Variants in HAGH observed in about 807,000 individuals in gnomAD.
HAGH encodes hydroxyacylglutathione hydrolase.
A neutral mutation model predicts 35.1 loss-of-function variants in HAGH; 29 were observed. That is an observed-to-expected ratio of 0.83 (90% confidence interval 0.62 to 1.13). HAGH has a LOEUF of 1.13. HAGH is among the 50% of genes most tolerant of loss of function. HAGH has a pLI of 0.00. For synonymous variants in HAGH, 225 were observed against 176.1 expected (o/e 1.28, Z -2.20); for missense variants, 478 against 419.6 (o/e 1.14, Z -1.22).
chr16:1,823,267 T>TC (rs1258223437), intron 1 of HAGH, among the ~76,000 whole-genome samples: 1 of 91,840 alleles, frequency 1.1e-5, no homozygotes, highest in Non-Finnish European at 2.5e-5. Context: ...CCTTGTCTTT[T>TC]TTTTTTTCTT....
chr16:1,817,753 T>C (rs1897972481), intron 5 of HAGH, among the ~76,000 whole-genome samples: 1 of 152,136 alleles, frequency 6.6e-6, no homozygotes, highest in South Asian at 2.1e-4. Flanking sequence ...GCACCCAGGC[T>C]CCTTCCGGCC....
Position 1,826,598 on chromosome 16 carries a change from G to A in HAGH, c.76+114C>T, listed in dbSNP as rs28820340. ...GCTCGAGCCCGGCAGCGCGGCCTTA[G>A]GCACCTGCGCAACAGACACCGCGTC... On this transcript the variant is annotated intron_variant, in intron 1 of 8. Transcript: ENST00000397356. 7 of 982,232 alleles carry A rather than the reference G, an allele frequency of 7.1e-6. No homozygotes were observed. The African/African-American group carries it at 1.1e-4, about 15-fold the overall frequency. The allele number at this position is 982,232 out of a possible 1,614,324, so 60.8% of individuals were successfully genotyped here.
rs537991008 is a variant in HAGH, at chr16:1,809,728, C to T, written c.827+26G>A. 17 of 1,529,058 alleles carry T rather than the reference C, an allele frequency of 1.1e-5. No individual in the cohort carries two copies. The Admixed American group carries it at 2.3e-4, about 21-fold the overall frequency. The allele number at this position is 1,529,058 out of a possible 1,614,324, so 94.7% of individuals were successfully genotyped here. On this transcript the variant is annotated intron_variant, in intron 8 of 8. Transcript: ENST00000397356. ...GGGACTGCCAGAGGGGAGGGGCCCGCGCCCACCACCTGCCCTGGGCCTCAC... is the reference window on the plus strand; with the variant it reads ...GGGACTGCCAGAGGGGAGGGGCCCGTGCCCACCACCTGCCCTGGGCCTCAC...
Position 1,809,596 on chromosome 16 carries a change from C to A in HAGH, c.827+158G>T. On this transcript the variant is annotated intron_variant, in intron 8 of 8. Transcript: ENST00000397356. ...GGCCAAGGTGCCAGGAAAGGCCGGA[C>A]CCCCCTCAAGAAGAGTGCTCGGGCT... The A allele has an allele frequency of 7.1e-6, 5 of 702,034 alleles. No individual in the cohort carries two copies. In the South Asian group the frequency reaches 8.3e-5, roughly 12 times the overall value. 43.5% of individuals were successfully genotyped at this position (702,034 alleles called of 1,614,324 possible). A position where few individuals can be genotyped will look rare whatever the true frequency, so the allele number is the denominator to read the frequency against.
chr16:1,826,085 C>A (rs1277779952), intron 1 of HAGH, among the ~76,000 whole-genome samples: 1 of 152,236 alleles, frequency 6.6e-6, no homozygotes, highest in Non-Finnish European at 1.5e-5. Flanking sequence ...TGGCGACATT[C>A]TACCCCCTGC....
At chr16:1,815,584 G>C (rs1279409124) in intron 7 of HAGH, among the ~76,000 whole-genome samples, 1 of 152,238 alleles carries the variant, frequency 6.6e-6, no homozygotes, top group Non-Finnish European at 1.5e-5. Context: ...GGTCACAGCA[G>C]AGCAACAGCT....
intron 8 of HAGH, 43 bp downstream of exon 8, chr16:1,809,711 C>A (rs1449498314): frequency 7.3e-7 from 1 of 1,369,484 alleles, no homozygotes. Flanking sequence ...GTGGGACTGC[C>A]AGAGGGGAGG....
chr16:1,817,920 C>T (rs930917927), intron 5 of HAGH, among the ~76,000 whole-genome samples: 1 of 152,030 alleles, frequency 6.6e-6, no homozygotes, highest in East Asian at 1.9e-4. Context: ...TGCCCAGCAC[C>T]CAGCACAGTG....
At chr16:1,817,038 CT>C in intron 6 of HAGH, 44 bp from the exon 7 acceptor site, 1 of 1,446,658 alleles carries the variant, frequency 6.9e-7, no homozygotes, top group South Asian at 1.1e-5. Flanking sequence ...CTGTTACCAC[CT>C]GTGAAAGTCC....
chr16:1,815,597 C>A (rs958573481), intron 7 of HAGH, among the ~76,000 whole-genome samples: 1 of 152,136 alleles, frequency 6.6e-6, no homozygotes, highest in Non-Finnish European at 1.5e-5. Context: ...CAACAGCTGG[C>A]GGGGACGCCA....
chr16:1,809,945 C>A, intron 7 of HAGH, 112 bp from the exon 8 acceptor site: 1 of 764,252 alleles, frequency 1.3e-6, no homozygotes, highest in Admixed American at 2.0e-5. Context: ...AGATGGATCA[C>A]TTGAGCCCTG....
In HAGH at chr16:1,819,098, C is replaced by A. The variant is rs1898032037; in HGVS notation, c.541+17G>T. ...TTCACGAAGAACCCCCGCCCCCACC[C>A]ACACTCGAACACGCACCTGTGAACA... is the stretch of plus-strand genomic sequence containing the variant. On this transcript the variant is annotated intron_variant, in intron 5 of 8. Transcript: ENST00000397356. 1 of 1,515,778 alleles carries A rather than the reference C, an allele frequency of 6.6e-7. No homozygotes were observed. Among genetic ancestry groups the A allele is most frequent in the African/African-American group, 1.4e-5 (1 of 73,136 alleles). The allele number at this position is 1,515,778 out of a possible 1,614,324, so 93.9% of individuals were successfully genotyped here. A position where few individuals can be genotyped will look rare whatever the true frequency, so the allele number is the denominator to read the frequency against.
intron 7 of HAGH, among the ~76,000 whole-genome samples, chr16:1,811,338 CAGG>C (rs2142026781): frequency 6.6e-6 from 1 of 152,234 alleles, no homozygotes; most frequent in Non-Finnish European, 1.5e-5. Context: ...CACTTGAACC[CAGG>C]AGGTGGAGGC....
In HAGH at chr16:1,826,788, G is replaced by C; in HGVS notation, c.-1C>G. 1.6e-6 allele frequency: 2 copies of C among 1,216,874 alleles called. No individual in the cohort carries two copies. The highest frequency in any genetic ancestry group is 2.0e-6 in the Non-Finnish European group (2 of 977,090). 75.4% of individuals were successfully genotyped at this position (1,216,874 alleles called of 1,614,324 possible). A position where few individuals can be genotyped will look rare whatever the true frequency, so the allele number is the denominator to read the frequency against. On this transcript the variant is annotated 5_prime_UTR_variant, in exon 1 of 9. Coordinates refer to ENST00000397356, the MANE Select transcript of HAGH (RefSeq NM_005326.6). ...CGAGCAGCCCTCGGCCCACCACCAT[G>C]ACCCGGGCCGGGCTGGACTGCCGAG...
chr16:1,817,099 C>A, intron 6 of HAGH, 69 bp downstream of exon 6: 1 of 1,341,976 alleles, frequency 7.5e-7, no homozygotes. Context: ...GAGAGGGTGC[C>A]AGGAGGGAGA....
In HAGH at chr16:1,817,197, C is replaced by G; in HGVS notation, c.616G>C (p.Glu206Gln). 2 of 1,612,734 alleles carry G rather than the reference C, an allele frequency of 1.2e-6. No individual in the cohort carries two copies. Among genetic ancestry groups the G allele is most frequent in the Non-Finnish European group, 1.7e-6 (2 of 1,178,734 alleles). Residue 206 changes from glutamate to glutamine, a missense_variant, in exon 6 of 9, where the codon GAG becomes CAG. Physicochemically the swap from Glu to Gln is conservative, Grantham distance 29. Transcript: ENST00000397356. ...TADEMCKALL[E>Q]VLGRLPPDTR... is the part of the protein sequence containing the mutation. ...TCCGGGGGGAGCCGGCCCAAGACCT[C>G]CAGCAGAGCTTTACACATCTCATCC...
intron 1 of HAGH, among the ~76,000 whole-genome samples, chr16:1,825,327 C>T (rs1178315078): frequency 6.6e-6 from 1 of 152,106 alleles, no homozygotes; most frequent in East Asian, 1.9e-4. Flanking sequence ...TGCTCAGCCT[C>T]CCCTGGAGAC....
intron 7 of HAGH, among the ~76,000 whole-genome samples, chr16:1,815,230 G>A (rs55923129): frequency 0.092 from 14,037 of 152,132 alleles, 792 homozygotes; most frequent in African/African-American, 0.16. Context: ...TGGAGGCCCC[G>A]GAACTCAAGC....
rs79568963 is a variant in HAGH at position 1,821,039 on chromosome 16, C to T, written c.315-1025G>A. Among the ~76,000 whole-genome samples, 898 of 152,272 alleles carry T rather than the reference C, an allele frequency of 5.9e-3. 34 individuals carry two copies. The East Asian group carries it at 0.11, about 18-fold the overall frequency. On this transcript the variant is annotated intron_variant, in intron 3 of 8. Coordinates refer to ENST00000397356, the MANE Select transcript of HAGH (RefSeq NM_005326.6). ...CAGCAAGCTGTGATGTGCCAGGCAG[C>T]CACACAGAGGCCACCACCAGGGTCC...
Sources: gnomAD v4.1 joint callset for allele counts (sites outside exome capture counted in the v4.1 genomes callset) on GRCh38, gnomAD v4.1.1 for gene constraint, MANE v1.5 for transcripts, NCBI Gene and HGNC (gene_info 2026-07-23, HGNC 2026-07-21) for gene names.